Variants in OLFM1 observed in about 807,000 individuals in gnomAD.
The protein encoded by OLFM1 is olfactomedin 1.
In OLFM1, 9 loss-of-function variants were observed where a neutral mutation model predicts 49.7. The ratio of observed to expected loss-of-function variants is 0.18; its 90% CI spans 0.11 to 0.32. OLFM1 has a LOEUF of 0.32. OLFM1 is among the 10% of genes least tolerant of loss of function. OLFM1 has a pLI of 1.00. For synonymous variants in OLFM1, 240 were observed against 271.8 expected (o/e 0.88, Z 1.15); for missense variants, 369 against 661.8 (o/e 0.56, Z 4.85).
intron 4 of OLFM1, among the ~76,000 whole-genome samples, chr9:135,101,719 G>A (rs1350348328): frequency 1.3e-5 from 2 of 152,204 alleles, no homozygotes; most frequent in African/African-American, 4.8e-5. Flanking sequence ...CTCTCCAGGG[G>A]AGCCTGCAGA....
At chr9:135,100,278 C>A (rs1830852929) in intron 4 of OLFM1, among the ~76,000 whole-genome samples, 1 of 152,172 alleles carries the variant, frequency 6.6e-6, no homozygotes, top group African/African-American at 2.4e-5. Flanking sequence ...GAGGGGGCAC[C>A]ACCCCTCCCG....
chr9:135,103,943 A>G (rs1456193927), intron 4 of OLFM1, among the ~76,000 whole-genome samples: 1 of 152,224 alleles, frequency 6.6e-6, no homozygotes, highest in Non-Finnish European at 1.5e-5. Context: ...TCCTTCACTG[A>G]GACAGAGAGT....
chr9:135,116,277 G>A (rs1002734267), intron 5 of OLFM1, among the ~76,000 whole-genome samples: 7 of 152,094 alleles, frequency 4.6e-5, no homozygotes, highest in East Asian at 1.9e-4. Context: ...TCTCAGCCTC[G>A]AAGGAGTTTT....
intron 4 of OLFM1, among the ~76,000 whole-genome samples, chr9:135,101,181 T>G (rs1053889528): frequency 3.9e-5 from 6 of 152,204 alleles, no homozygotes; most frequent in African/African-American, 1.2e-4. Flanking sequence ...CGGCACCCGC[T>G]GCCGGCCGTC....
chr9:135,102,639 C>A (rs934177067), intron 4 of OLFM1, among the ~76,000 whole-genome samples: 5 of 152,182 alleles, frequency 3.3e-5, no homozygotes, highest in African/African-American at 7.2e-5. Context: ...ATCTCGAGGC[C>A]TGGCGGGGAT....
intron 5 of OLFM1, among the ~76,000 whole-genome samples, chr9:135,115,180 G>T (rs1251914636): frequency 6.6e-6 from 1 of 152,206 alleles, no homozygotes; most frequent in Admixed American, 6.5e-5. Context: ...CTCTATTGTG[G>T]GAGCCACCGA....
chr9:135,091,730 G>C (rs1218038977), intron 2 of OLFM1, among the ~76,000 whole-genome samples: 3 of 34,438 alleles, frequency 8.7e-5, no homozygotes, highest in Admixed American at 3.8e-4. Flanking sequence ...CACACTCATA[G>C]TCACACACAC....
intron 5 of OLFM1, among the ~76,000 whole-genome samples, chr9:135,110,999 C>T (rs773809123): frequency 5.3e-5 from 8 of 152,230 alleles, no homozygotes; most frequent in Admixed American, 1.3e-4. Context: ...CTGTGCCCAT[C>T]GTCCAGCTCT....
At position 135,106,691 on chromosome 9, in the gene OLFM1, C is replaced by G. The variant is rs60614699; in HGVS notation, c.677-58C>G. On this transcript the variant is annotated intron_variant, in intron 4 of 5. Coordinates refer to ENST00000371793, the MANE Select transcript of OLFM1 (RefSeq NM_001282611.2). ...TGCTCTGGGCAGTCGAGGTCAGGGT[C>G]ATCACCGCGGGCCGGGGCCCCCGCC... 8.4e-3 allele frequency: 11,338 copies of G among 1,346,754 alleles called. 319 individuals carry two copies. The highest frequency in any genetic ancestry group is 0.068 in the African/African-American group (4,737 of 69,454). The allele number at this position is 1,346,754 out of a possible 1,614,324, so 83.4% of individuals were successfully genotyped here. A position where few individuals can be genotyped will look rare whatever the true frequency, so the allele number is the denominator to read the frequency against.
chr9:135,086,814 C>G (rs1830603145), upstream of OLFM1: 2 of 434,698 alleles, frequency 4.6e-6, no homozygotes, highest in African/African-American at 2.0e-5. Flanking sequence ...ATGACTCGAG[C>G]GCCACCCCTG....
chr9:135,112,667 C>T (rs1437541268), intron 5 of OLFM1, among the ~76,000 whole-genome samples: 8 of 152,230 alleles, frequency 5.3e-5, no homozygotes, highest in Non-Finnish European at 8.8e-5. Flanking sequence ...CACTCTTGGG[C>T]GGGCGTCTCC....
intron 1 of OLFM1, chr9:135,076,857 G>A (rs566603017): frequency 1.1e-4 from 164 of 1,550,324 alleles, no homozygotes; most frequent in Non-Finnish European, 1.2e-4. Context: ...GCCAGAGAGC[G>A]AGAGGAAGAC....
intron 3 of OLFM1, among the ~76,000 whole-genome samples, chr9:135,097,072 G>A (rs1379243631): frequency 6.6e-6 from 1 of 152,168 alleles, no homozygotes; most frequent in Non-Finnish European, 1.5e-5. Context: ...AAATTACACA[G>A]CCTCGCCCGA....
chr9:135,090,808 G>C, intron 2 of OLFM1, among the ~76,000 whole-genome samples: 1 of 152,162 alleles, frequency 6.6e-6, no homozygotes, highest in East Asian at 1.9e-4. Flanking sequence ...TGGATTTTAC[G>C]AGATGAGATC....
chr9:135,075,602 G>A (rs1365420907), exon 1 of OLFM1: 2 of 684,130 alleles, frequency 2.9e-6, no homozygotes, highest in Non-Finnish European at 4.4e-6. Context: ...TCCAGGCGTG[G>A]GGACACGAGC....
intron 5 of OLFM1, among the ~76,000 whole-genome samples, chr9:135,109,690 A>G (rs949853189): frequency 6.6e-6 from 1 of 151,956 alleles, no homozygotes; most frequent in African/African-American, 2.4e-5. Context: ...TTTTGATCAC[A>G]CACACAGGAG....
chr9:135,079,460 C>T (rs1830506625), intron 1 of OLFM1, among the ~76,000 whole-genome samples: 1 of 152,076 alleles, frequency 6.6e-6, no homozygotes, highest in South Asian at 2.1e-4. Flanking sequence ...AAAAAATGAG[C>T]AGGGCGTGGT....
rs1830516984 is a variant in OLFM1, at chr9:135,080,370, T to C, written c.96+4568T>C. On this transcript the variant is annotated intron_variant, in intron 1 of 5. Transcript: ENST00000252854. This position sits in a 1 kb window ranked among gnomAD's most constrained non-coding sequence, Gnocchi z 4.5. The stretch of plus-strand genomic sequence containing the variant: ...GGGAAGAGTTCAGGTGAAATTGGGG[T>C]CTTTTCCTAAACCCATTATTTCAGA... Among the ~76,000 whole-genome samples the C allele has an allele frequency of 6.6e-6, 1 of 151,778 alleles. No individual in the cohort carries two copies. Among genetic ancestry groups the C allele is most frequent in the African/African-American group, 2.4e-5 (1 of 41,288 alleles).
chr9:135,107,896 T>C (rs527260799), intron 5 of OLFM1, among the ~76,000 whole-genome samples: 2 of 152,150 alleles, frequency 1.3e-5, no homozygotes, highest in Admixed American at 1.3e-4. Context: ...TCCTTCACCA[T>C]TGCCACCATT....
Sources: allele counts gnomAD v4.1 joint callset (sites outside exome capture counted in the v4.1 genomes callset), GRCh38; gene constraint gnomAD v4.1.1; non-coding constraint Gnocchi (gnomAD v3.1); transcripts MANE v1.5; gene names NCBI Gene and HGNC (gene_info 2026-07-23, HGNC 2026-07-21).